The following SHOC1 variants were observed in gnomAD, a reference collection of about 807,000 sequenced individuals.
SHOC1 encodes the protein shortage in chiasmata 1.
A neutral mutation model predicts 179.2 loss-of-function variants in SHOC1; 136 were observed. That is an observed-to-expected ratio of 0.76 (90% CI 0.66 to 0.87). The LOEUF (loss-of-function observed/expected upper bound fraction) is 0.87, where lower values mean the gene tolerates loss of function less well. SHOC1 is among the 40% of genes least tolerant of loss of function. The probability of loss-of-function intolerance (pLI) is 0.00; values close to 1 mark genes in which losing one functional copy is unlikely to be tolerated. For synonymous variants in SHOC1, 489 were observed against 586.6 expected, an observed-to-expected ratio of 0.83 and a Z score of 2.41; for missense variants, 1,538 against 1,700.8, an observed-to-expected ratio of 0.90 and a Z score of 1.68.
At position 111,692,018 on chromosome 9, in the gene SHOC1, A is replaced by T. The variant is rs1334754842; in HGVS notation, c.3959T>A (p.Val1320Asp). Residue 1320 changes from valine (V) to aspartate (D), a missense_variant, in exon 27 of 28, where the codon GTC (valine) becomes GAC (aspartate). By Grantham distance (152) the Val-to-Asp change is radical. Transcript: ENST00000682961. ...TTTCTGAGAATTTATAAAACGGGGG[A>T]CAACTGACACTCTCTTCTGAGTGTC... Reference protein sequence around the residue: ...PTDTQKRVSVVPRFINSQKRR... With the variant: ...PTDTQKRVSVDPRFINSQKRR... The T allele has an allele frequency of 6.2e-7, 1 of 1,613,104 alleles. No homozygotes were observed. Among genetic ancestry groups the T allele is most frequent in the East Asian group, 2.2e-5 (1 of 44,856 alleles).
intron 3 of SHOC1, among the ~76,000 whole-genome samples, chr9:111,784,643 TAGTC>T (rs1428148918): frequency 3.3e-5 from 5 of 152,214 alleles, no homozygotes; most frequent in African/African-American, 4.8e-5. Flanking sequence ...ACAATTGTCT[TAGTC>T]AGTCTATATA....
chr9:111,746,054 T>C (rs1252825398), intron 10 of SHOC1, among the ~76,000 whole-genome samples, 180 bp downstream of exon 10: 1 of 152,224 alleles, frequency 6.6e-6, no homozygotes. Context: ...ACTCTTTGCA[T>C]ATAAAACCAA....
rs890385441 is a variant in SHOC1 at position 111,713,125 on chromosome 9, G to A, written c.2463C>T (p.Leu821=). ...CTTCTATTTTGTTAAGAATTTTAAT[G>A]AGAAAATGTTTTTCACCGTCTGAGT... is the stretch of plus-strand genomic sequence containing the variant. The part of the protein sequence containing the change: ...RMDSDGEKHF[L]IKILNKIEGL... Residue 821 remains leucine (L), a synonymous_variant, in exon 18 of 28, where the codon CTC becomes CTT. Transcript: ENST00000682961. 6 of 1,572,306 alleles carry A rather than the reference G, an allele frequency of 3.8e-6. No homozygotes were observed. The African/African-American group carries it at 4.1e-5, about 11-fold the overall frequency.
At chr9:111,741,591 T>A in intron 10 of SHOC1, 21 bp from the exon 11 acceptor site, 1 of 1,225,538 alleles carries the variant, frequency 8.2e-7, no homozygotes, top group East Asian at 2.4e-5. Flanking sequence ...GAGTTAAAGT[T>A]TAATACATTA....
Position 111,695,585 on chromosome 9 carries a change from C to T in SHOC1, c.3184-1223G>A, listed in dbSNP as rs183129921. On this transcript the variant is annotated intron_variant, in intron 24 of 27. Coordinates refer to ENST00000682961, the MANE Select transcript of SHOC1 (RefSeq NM_001378211.1). ...GGCTGAAGCAAATCTGACTGATTTT[C>T]GATGTGAAAATAAAATATAAAAACT... Among the ~76,000 whole-genome samples the T allele has an allele frequency of 3.9e-4, 59 of 152,036 alleles. 1 individual carries two copies. The highest frequency in any genetic ancestry group is 7.2e-4 in the Admixed American group (11 of 15,248).
intron 4 of SHOC1, among the ~76,000 whole-genome samples, 200 bp downstream of exon 4, chr9:111,780,730 G>A (rs530145066): frequency 2.0e-5 from 3 of 152,156 alleles, no homozygotes; most frequent in East Asian, 3.9e-4. Context: ...CTAATTGAAA[G>A]TTTACTAATT....
chr9:111,707,855 C>G lies in SHOC1; in HGVS notation c.2558G>C (p.Gly853Ala), dbSNP rs968860284. 2 of 1,567,238 alleles carry G rather than the reference C, an allele frequency of 1.3e-6. No homozygotes were observed. The highest frequency in any genetic ancestry group is 1.8e-5 in the Admixed American group (1 of 55,130). ...CACAGATGAAGGAATGAATTTTTAC[C>G]CCCTTAAAACACCTTCAGATTCCAG... The part of the protein sequence containing the change: ...DFLESEGVLR[G>A]TSSCVVVHNQ... Residue 853 changes from glycine to alanine, a missense_variant and splice_region_variant, in exon 19 of 28, where the codon GGT becomes GCT. Gly to Ala is a moderately conservative substitution (Grantham distance 60). Transcript: ENST00000682961.
intron 5 of SHOC1, among the ~76,000 whole-genome samples, chr9:111,762,139 C>T (rs1225151508): frequency 6.7e-6 from 1 of 150,022 alleles, no homozygotes; most frequent in African/African-American, 2.5e-5. Context: ...TCATTAAAAG[C>T]CATGCTTTTG....
intron 19 of SHOC1, among the ~76,000 whole-genome samples, chr9:111,707,582 T>A (rs1402264331): frequency 2.0e-5 from 3 of 152,078 alleles, no homozygotes; most frequent in Non-Finnish European, 4.4e-5. Context: ...ATACTCTAAA[T>A]AGGCACTTCT....
intron 2 of SHOC1, among the ~76,000 whole-genome samples, chr9:111,788,068 T>TTTC (rs1836324213): frequency 6.8e-6 from 1 of 147,176 alleles, no homozygotes; most frequent in Non-Finnish European, 1.5e-5. Context: ...ACATAACTTT[T>TTTC]TTTTTTTTTT....
At chr9:111,769,501 G>T (rs1489452175) in intron 5 of SHOC1, among the ~76,000 whole-genome samples, 1 of 151,664 alleles carries the variant, frequency 6.6e-6, no homozygotes, top group African/African-American at 2.4e-5. Context: ...TTTGACATAG[G>T]GTCTCACTCT....
At position 111,756,389 on chromosome 9, in the gene SHOC1, C is replaced by G. The variant is rs774778367; in HGVS notation, c.798G>C (p.Glu266Asp). 1.2e-6 allele frequency: 2 copies of G among 1,611,898 alleles called. No homozygotes were observed. Among genetic ancestry groups the G allele is most frequent in the South Asian group, 1.1e-5 (1 of 90,732 alleles). Reference protein sequence around the residue: ...IDIPSLSELKELLNPVPEIIN... With the variant: ...IDIPSLSELKDLLNPVPEIIN... ...TTATTTCTGGCACTGGGTTTAATAA[C>G]TCCTTCAGTTCTGAGAGTGATGGAA... Residue 266 changes from glutamate to aspartate, a missense_variant, in exon 8 of 28, where the codon GAG becomes GAC. Glu to Asp is a conservative substitution (Grantham distance 45). Coordinates refer to ENST00000682961, the MANE Select transcript of SHOC1 (RefSeq NM_001378211.1).
Position 111,718,229 on chromosome 9 carries a change from T to C in SHOC1, c.2191A>G (p.Thr731Ala), listed in dbSNP as rs766965383. 25 of 1,601,242 alleles carry C rather than the reference T, an allele frequency of 1.6e-5. No individual in the cohort carries two copies. Among genetic ancestry groups the C allele is most frequent in the Non-Finnish European group, 2.0e-5 (24 of 1,175,658 alleles). The change falls in exon 16 of 28, where the codon ACA (threonine) becomes GCA (alanine). Residue 731 changes from threonine (T) to alanine (A), a missense_variant. Transcript: ENST00000682961. ...CATGTTAAAAGGACATCTCTAATTG[T>C]TACCAGAAGATGTAAGAGAGCGGCA... Reference protein sequence around the residue: ...KHAALLHLLVTIRDVLLTCSL... With the variant: ...KHAALLHLLVAIRDVLLTCSL...
At position 111,741,589 on chromosome 9, in the gene SHOC1, G is replaced by A; in HGVS notation, c.1080-19C>T. On this transcript the variant is annotated intron_variant, in intron 10 of 27. Transcript: ENST00000682961. Reference sequence around the variant, plus strand: ...CAAATTACTGAAAAAAAGAGTTAAAGTTTAATACATTAATAATATTGAGTC... The same window carrying A: ...CAAATTACTGAAAAAAAGAGTTAAAATTTAATACATTAATAATATTGAGTC... The A allele has an allele frequency of 7.7e-7, 1 of 1,290,826 alleles. No individual in the cohort carries two copies. Among genetic ancestry groups the A allele is most frequent in the Non-Finnish European group, 1.1e-6 (1 of 904,706 alleles). 80.0% of individuals were successfully genotyped at this position (1,290,826 alleles called of 1,614,324 possible). A position where few individuals can be genotyped will look rare whatever the true frequency, so the allele number is the denominator to read the frequency against.
At chr9:111,735,273 T>G (rs1240099600) in intron 12 of SHOC1, among the ~76,000 whole-genome samples, 1 of 152,118 alleles carries the variant, frequency 6.6e-6, no homozygotes, top group Non-Finnish European at 1.5e-5. Flanking sequence ...TTATGGTGGT[T>G]TGCTGCACCC....
chr9:111,763,197 C>T (rs1420132734), intron 5 of SHOC1, among the ~76,000 whole-genome samples: 3 of 151,672 alleles, frequency 2.0e-5, no homozygotes, highest in Non-Finnish European at 4.4e-5. Flanking sequence ...TTTTGAAATA[C>T]ATTAAAGACC....
intron 10 of SHOC1, 103 bp from the exon 11 acceptor site, chr9:111,741,673 G>A (rs976585494): frequency 5.6e-5 from 30 of 535,320 alleles, no homozygotes; most frequent in Non-Finnish European, 6.1e-5. Context: ...TCGCTCTGTC[G>A]CCCAGGCTGG....
chr9:111,787,962 T>C (rs892475291), intron 2 of SHOC1, among the ~76,000 whole-genome samples: 1 of 152,166 alleles, frequency 6.6e-6, no homozygotes, highest in African/African-American at 2.4e-5. Flanking sequence ...TTATTTATTA[T>C]CATTTTTTAG....
chr9:111,729,884 G>T (rs188796010), intron 12 of SHOC1, among the ~76,000 whole-genome samples: 239 of 62,794 alleles, frequency 3.8e-3, no homozygotes, highest in Non-Finnish European at 6.7e-3. Context: ...GTGAGACTTG[G>T]TCTCAAAAAA....
Sources: gnomAD v4.1 joint callset for allele counts (sites outside exome capture counted in the v4.1 genomes callset) on GRCh38, gnomAD v4.1.1 for gene constraint, MANE v1.5 for transcripts, NCBI Gene and HGNC (gene_info 2026-07-23, HGNC 2026-07-21) for gene names.